The following GABPB2 variants were observed in gnomAD, a reference collection of about 807,000 sequenced individuals.
The protein encoded by GABPB2 is GA binding protein transcription factor subunit beta 2.
Under a neutral mutation model 39.1 loss-of-function variants are expected in GABPB2, and 23 were observed. The ratio of observed to expected loss-of-function variants is 0.59; its 90% CI spans 0.42 to 0.83. The LOEUF (loss-of-function observed/expected upper bound fraction) is 0.83, where lower values mean the gene tolerates loss of function less well. Among genes scored for constraint, GABPB2 ranks in the 40% least tolerant of loss-of-function variants. GABPB2 has a pLI of 0.00. For missense variants in GABPB2, 467 were observed against 541.1 expected (o/e 0.86, Z 1.36); for synonymous variants, 184 against 199.3 (o/e 0.92, Z 0.65).
At chr1:151,083,975 G>A (rs1250897678) in intron 1 of GABPB2, among the ~76,000 whole-genome samples, 2 of 150,634 alleles carry the variant, frequency 1.3e-5, no homozygotes, top group Non-Finnish European at 3.0e-5. Context: ...TCCTGACCTC[G>A]TGATCCAGCC....
At chr1:151,112,093 G>A (rs1239489492) in intron 7 of GABPB2, among the ~76,000 whole-genome samples, 3 of 148,052 alleles carry the variant, frequency 2.0e-5, no homozygotes, top group Admixed American at 6.7e-5. Context: ...GCGTGGTGGT[G>A]GGCGCCCGTA....
rs1434267706 is a variant in GABPB2, at chr1:151,123,062, T to C, written c.*4806T>C. ...ACCATTTCATGACTTTGCATATCTT[T>C]CTGGATTAGTCATGGAAGTTGGGGA... On this transcript the variant is annotated 3_prime_UTR_variant, in exon 9 of 9. Coordinates refer to ENST00000368918, the MANE Select transcript of GABPB2 (RefSeq NM_144618.3). 1 of 152,222 alleles carries C rather than the reference T, an allele frequency of 6.6e-6. No homozygotes were observed. The highest frequency in any genetic ancestry group is 1.5e-5 in the Non-Finnish European group (1 of 68,046). The allele number at this position is 152,222 out of a possible 1,614,324, so 9.4% of individuals were successfully genotyped here.
At chr1:151,116,598 C>A (rs753965873) in intron 7 of GABPB2, among the ~76,000 whole-genome samples, 1 of 151,728 alleles carries the variant, frequency 6.6e-6, no homozygotes, top group Admixed American at 6.6e-5. Context: ...ATTATTTCTG[C>A]AGTTTTTTTT....
At position 151,090,391 on chromosome 1, in the gene GABPB2, AT is replaced by A. The variant is rs746168571; in HGVS notation, c.109-13del. The stretch of plus-strand genomic sequence containing the variant: ...TGCACACAGTGGATATTCAATGAGC[AT>A]TATTTTTCCACAGCTTGGAACATCA... On this transcript the variant is annotated splice_polypyrimidine_tract_variant and intron_variant, in intron 2 of 8. Transcript: ENST00000368918. 11 of 1,612,660 alleles carry A rather than the reference AT, an allele frequency of 6.8e-6. No homozygotes were observed. The African/African-American group carries it at 1.2e-4, about 18-fold the overall frequency.
At chr1:151,107,765 A>C in intron 7 of GABPB2, among the ~76,000 whole-genome samples, 1 of 151,962 alleles carries the variant, frequency 6.6e-6, no homozygotes, top group East Asian at 1.9e-4. Flanking sequence ...GCAAAACCCC[A>C]TCTCTACTAA....
At chr1:151,078,370 G>A (rs1677368457) in intron 1 of GABPB2, among the ~76,000 whole-genome samples, 1 of 152,136 alleles carries the variant, frequency 6.6e-6, no homozygotes, top group Admixed American at 6.5e-5. Context: ...AAGGCGGGCG[G>A]ATCACGAGTT....
intron 1 of GABPB2, among the ~76,000 whole-genome samples, chr1:151,081,541 G>T (rs898372888): frequency 1.3e-5 from 2 of 152,038 alleles, no homozygotes; most frequent in Non-Finnish European, 2.9e-5. Context: ...TATCTTCAGA[G>T]TTAAAAAATG....
intron 4 of GABPB2, among the ~76,000 whole-genome samples, chr1:151,096,317 T>C (rs772234862): frequency 3.0e-4 from 45 of 151,918 alleles, no homozygotes; most frequent in Middle Eastern, 3.4e-3. Context: ...TCCCAGCTAC[T>C]TGGGAGGCTG....
chr1:151,084,640 T>G (rs1396561372), intron 1 of GABPB2, among the ~76,000 whole-genome samples: 1 of 146,396 alleles, frequency 6.8e-6, no homozygotes, highest in Non-Finnish European at 1.5e-5. Flanking sequence ...GTTCATGCCA[T>G]TCTCCTGCCT....
intron 7 of GABPB2, among the ~76,000 whole-genome samples, chr1:151,115,336 T>A (rs1442635528): frequency 6.6e-6 from 1 of 150,430 alleles, no homozygotes. Context: ...CCAGCCTGAA[T>A]AATAAGAATG....
chr1:151,071,182 G>A (rs1454065985), intron 1 of GABPB2, among the ~76,000 whole-genome samples: 1 of 152,140 alleles, frequency 6.6e-6, no homozygotes, highest in Non-Finnish European at 1.5e-5. Context: ...GGGCTGGGGA[G>A]CTGGACCAAG....
chr1:151,080,231 A>AAC (rs1558126303), intron 1 of GABPB2, among the ~76,000 whole-genome samples: 3 of 138,142 alleles, frequency 2.2e-5, no homozygotes, highest in Non-Finnish European at 4.6e-5. Context: ...AAAAAAAAAA[A>AAC]AAAAAAAAAA....
At chr1:151,085,466 A>G (rs969515064) in intron 1 of GABPB2, among the ~76,000 whole-genome samples, 1 of 152,142 alleles carries the variant, frequency 6.6e-6, no homozygotes. Flanking sequence ...TTTGAGACGG[A>G]GTCTCGCTCT....
intron 7 of GABPB2, among the ~76,000 whole-genome samples, chr1:151,113,000 A>T (rs587731445): frequency 2.1e-4 from 31 of 149,234 alleles, no homozygotes; most frequent in Admixed American, 3.4e-4. Flanking sequence ...GATGGTCTTG[A>T]TCTCTTGACC....
At chr1:151,080,857 C>CA (rs773278566) in intron 1 of GABPB2, among the ~76,000 whole-genome samples, 1,724 of 134,652 alleles carry the variant, frequency 0.013, 18 homozygotes, top group Non-Finnish European at 0.02. Flanking sequence ...CTATGTCTCA[C>CA]AAAAAAAAAA....
chr1:151,085,947 CA>C (rs1351999115), intron 1 of GABPB2, among the ~76,000 whole-genome samples: 5 of 151,864 alleles, frequency 3.3e-5, no homozygotes, highest in Non-Finnish European at 7.4e-5. Flanking sequence ...GTCATTTGGG[CA>C]AAAAGGTAGA....
intron 7 of GABPB2, among the ~76,000 whole-genome samples, chr1:151,113,341 C>T (rs762289227): frequency 2.6e-5 from 4 of 152,074 alleles, no homozygotes; most frequent in Admixed American, 6.6e-5. Flanking sequence ...TGGTGGCGTG[C>T]ACCTGTAGTC....
chr1:151,119,043 G>C lies in GABPB2; in HGVS notation c.*787G>C, dbSNP rs1681077754. ...AAACTGAAATAAGCTGCGTGTGGTG[G>C]CTCACACCTGTAATCCCAACACTTT... On this transcript the variant is annotated 3_prime_UTR_variant, in exon 9 of 9. Transcript: ENST00000368918. The C allele has an allele frequency of 6.6e-6, 1 of 152,246 alleles. No homozygotes were observed. The highest frequency in any genetic ancestry group is 1.5e-5 in the Non-Finnish European group (1 of 68,074). The allele number at this position is 152,246 out of a possible 1,614,324, so 9.4% of individuals were successfully genotyped here.
chr1:151,108,495 C>T (rs1211660361), intron 7 of GABPB2, among the ~76,000 whole-genome samples: 1 of 152,032 alleles, frequency 6.6e-6, no homozygotes, highest in Non-Finnish European at 1.5e-5. Flanking sequence ...TTTGGTTAAA[C>T]AGTTCTTTTT....
Sources: allele counts gnomAD v4.1 joint callset (sites outside exome capture counted in the v4.1 genomes callset), GRCh38; gene constraint gnomAD v4.1.1; transcripts MANE v1.5; gene names NCBI Gene and HGNC (gene_info 2026-07-23, HGNC 2026-07-21).